DENND5B: variants seen among roughly 807,000 people sequenced by gnomAD.
The protein encoded by DENND5B is DENN domain-containing protein 5B.
In DENND5B, 34 loss-of-function variants were observed where a neutral mutation model predicts 140.6. That is an observed-to-expected ratio of 0.24 (90% CI 0.18 to 0.32). DENND5B has a LOEUF of 0.32. Ranked by LOEUF, DENND5B falls within the 10% of genes least tolerant of loss-of-function variation. The pLI, the probability that DENND5B is intolerant of heterozygous loss-of-function variation, is 1.00. For synonymous variants in DENND5B, 551 were observed against 562.1 expected, an observed-to-expected ratio of 0.98 and a Z score of 0.28; for missense variants, 1,142 against 1,560.2, an observed-to-expected ratio of 0.73 and a Z score of 4.52.
chr12:31,512,057 C>T (rs1049816271), intron 1 of DENND5B, among the ~76,000 whole-genome samples: 20 of 150,668 alleles, frequency 1.3e-4, no homozygotes, highest in Admixed American at 1.1e-3. Context: ...GCTGGGATTA[C>T]AGGCACGTGC....
chr12:31,424,474 G>C (rs1943150959), intron 10 of DENND5B, 61 bp downstream of exon 10: 1 of 1,488,306 alleles, frequency 6.7e-7, no homozygotes, highest in Non-Finnish European at 9.0e-7. Context: ...TTGTCTCCTT[G>C]TTACATTTCT....
chr12:31,404,149 A>G (rs1016837280), intron 14 of DENND5B, among the ~76,000 whole-genome samples: 7 of 151,546 alleles, frequency 4.6e-5, no homozygotes, highest in South Asian at 2.1e-4. Flanking sequence ...CCCTTGAGCC[A>G]GGGAGGTCAA....
At chr12:31,583,099 G>A (rs909905809) in intron 1 of DENND5B, among the ~76,000 whole-genome samples, 2 of 151,938 alleles carry the variant, frequency 1.3e-5, no homozygotes, top group Non-Finnish European at 2.9e-5. Flanking sequence ...TTAGATAAGC[G>A]TGATCAACAT....
intron 19 of DENND5B, among the ~76,000 whole-genome samples, chr12:31,390,738 A>G (rs997719773): frequency 1.3e-5 from 2 of 151,726 alleles, no homozygotes; most frequent in African/African-American, 4.8e-5. Flanking sequence ...CTTTTACAAA[A>G]ATTGGCCAGG....
intron 1 of DENND5B, among the ~76,000 whole-genome samples, chr12:31,532,796 G>C (rs1948334547): frequency 6.6e-6 from 1 of 152,224 alleles, no homozygotes. Context: ...GGCTGGAAGA[G>C]GATCTGGTTT....
chr12:31,557,882 G>C (rs531155534), intron 1 of DENND5B, among the ~76,000 whole-genome samples: 1 of 150,412 alleles, frequency 6.6e-6, no homozygotes, highest in African/African-American at 2.4e-5. Flanking sequence ...AACCAATGCA[G>C]GCAAGAAGCT....
At chr12:31,576,136 G>A (rs1299267801) in intron 1 of DENND5B, among the ~76,000 whole-genome samples, 2 of 88,276 alleles carry the variant, frequency 2.3e-5, no homozygotes, top group African/African-American at 5.3e-5. Flanking sequence ...GCAAGGCTCT[G>A]TCTCCAAAAA....
At position 31,509,267 on chromosome 12, in the gene DENND5B, G is replaced by A. The variant is rs540922209; in HGVS notation, c.128-13348C>T. ...TTCCCCTCAAAGCTTTTCCTCTGTCGACAGTGCCACAATTCATGTAGCCAT... is the reference window on the plus strand; with the variant it reads ...TTCCCCTCAAAGCTTTTCCTCTGTCAACAGTGCCACAATTCATGTAGCCAT... On this transcript the variant is annotated intron_variant, in intron 1 of 20. Transcript: ENST00000389082. Among the ~76,000 whole-genome samples the A allele has an allele frequency of 1.9e-4, 29 of 152,090 alleles. No homozygotes were observed. In the East Asian group the frequency reaches 2.7e-3, roughly 14 times the overall value.
chr12:31,433,239 T>C lies in DENND5B; in HGVS notation c.2022A>G (p.Val674=), dbSNP rs1943595318. Residue 674 remains valine, a synonymous_variant, in exon 8 of 21, where the codon GTA becomes GTG. Transcript: ENST00000389082. The stretch of plus-strand genomic sequence containing the variant: ...TGCGCTGTGCAGTGGCACTCCGACT[T>C]ACCCAGCGACTGAAACAATCAAATT... ...ATGPTSNNRW[V]SRSATAQRRK... is the part of the protein sequence containing the mutation. 1 of 1,610,298 alleles carries C rather than the reference T, an allele frequency of 6.2e-7. No individual in the cohort carries two copies. The highest frequency in any genetic ancestry group is 1.1e-5 in the South Asian group (1 of 90,116).
chr12:31,436,723 C>T (rs793146), intron 7 of DENND5B, among the ~76,000 whole-genome samples: 51,425 of 151,316 alleles, frequency 0.34, 9,949 homozygotes, highest in Non-Finnish European at 0.46. Flanking sequence ...TTAGTGGAGA[C>T]GGGGTTTCAC....
chr12:31,409,702 C>T (rs1942341840), intron 13 of DENND5B, among the ~76,000 whole-genome samples: 1 of 152,162 alleles, frequency 6.6e-6, no homozygotes, highest in African/African-American at 2.4e-5. Flanking sequence ...TGGTCTCCAA[C>T]TCCTGACCTC....
At position 31,497,076 on chromosome 12, in the gene DENND5B, G is replaced by C. The variant is rs562794321; in HGVS notation, c.128-1157C>G. The stretch of plus-strand genomic sequence containing the variant: ...ATGAATTGTATTTGACTTCTAGTTA[G>C]ACTCAGTTTCTATTTTGGGTAAAAA... On this transcript the variant is annotated intron_variant, in intron 1 of 20. Coordinates refer to ENST00000389082, the MANE Select transcript of DENND5B (RefSeq NM_144973.4). 8.3e-4 allele frequency among the ~76,000 whole-genome samples: 126 copies of C among 151,364 alleles called. 1 individual carries two copies. Among genetic ancestry groups the C allele is most frequent in the Non-Finnish European group, 9.0e-4 (61 of 67,898 alleles).
intron 1 of DENND5B, among the ~76,000 whole-genome samples, chr12:31,511,918 GC>G (rs1392951935): frequency 2.6e-4 from 26 of 99,414 alleles, no homozygotes; most frequent in East Asian, 9.2e-4. Context: ...CCCCTCCACT[GC>G]CCTTTTTTTT....
chr12:31,518,485 G>C (rs926867786), intron 1 of DENND5B, among the ~76,000 whole-genome samples: 3 of 152,076 alleles, frequency 2.0e-5, no homozygotes, highest in South Asian at 4.1e-4. Context: ...CCAGGGCTAA[G>C]CATGTAAGCA....
intron 1 of DENND5B, among the ~76,000 whole-genome samples, chr12:31,574,518 A>G (rs1000473068): frequency 3.3e-4 from 50 of 152,092 alleles, no homozygotes; most frequent in African/African-American, 1.2e-3. Flanking sequence ...TGAACCTGGG[A>G]GGCGGAGGTT....
chr12:31,486,714 G>C (rs1189334532), intron 2 of DENND5B, among the ~76,000 whole-genome samples: 1 of 152,230 alleles, frequency 6.6e-6, no homozygotes, highest in African/African-American at 2.4e-5. Flanking sequence ...TGCAGCGATA[G>C]ATAATCAAAA....
In DENND5B at chr12:31,590,502, C is replaced by G. The variant is rs746075497; in HGVS notation, c.127+204G>C. 3.0e-3 allele frequency: 1,758 copies of G among 594,812 alleles called. 8 individuals carry two copies. Among genetic ancestry groups the G allele is most frequent in the Non-Finnish European group, 3.6e-3 (1,397 of 390,950 alleles). The allele number at this position is 594,812 out of a possible 1,614,324, so 36.8% of individuals were successfully genotyped here. On this transcript the variant is annotated intron_variant, in intron 1 of 20. Coordinates refer to ENST00000389082, the MANE Select transcript of DENND5B (RefSeq NM_144973.4). The stretch of plus-strand genomic sequence containing the variant: ...ACCCAGCGCCTGGAGGCGAAAGCCC[C>G]GGTGGGCGCAGCCGCAAAGCCCGCA...
intron 1 of DENND5B, among the ~76,000 whole-genome samples, chr12:31,579,776 AGGAAGGAGGGAG>A (rs1950154276): frequency 8.5e-6 from 1 of 118,340 alleles, no homozygotes; most frequent in South Asian, 3.2e-4. Context: ...GGAGGAAGGA[AGGAAGGAGGGAG>A]GGAGGGAGGG....
At chr12:31,550,331 T>C (rs1366479705) in intron 1 of DENND5B, among the ~76,000 whole-genome samples, 5 of 151,072 alleles carry the variant, frequency 3.3e-5, no homozygotes, top group Non-Finnish European at 7.4e-5. Context: ...TTTTGGTCCT[T>C]GCAATAGTTT....
Sources: gnomAD v4.1 joint callset for allele counts (sites outside exome capture counted in the v4.1 genomes callset) on GRCh38, gnomAD v4.1.1 for gene constraint, MANE v1.5 for transcripts, NCBI Gene and HGNC (gene_info 2026-07-23, HGNC 2026-07-21) for gene names.